Variants in UGT1A6 observed in about 807,000 individuals in gnomAD.
UGT1A6 encodes UDP-glucuronosyltransferase 1A6.
A neutral mutation model predicts 44.4 loss-of-function variants in UGT1A6; 32 were observed. That is an observed-to-expected ratio of 0.72 (90% CI 0.54 to 0.97). The LOEUF (loss-of-function observed/expected upper bound fraction) is 0.97. Ranked by LOEUF, UGT1A6 falls within the 50% of genes least tolerant of loss-of-function variation. The probability of loss-of-function intolerance (pLI) is 0.00; values close to 1 mark genes in which losing one functional copy is unlikely to be tolerated. For missense variants in UGT1A6, 685 were observed against 661.9 expected (o/e 1.03, Z -0.38); for synonymous variants, 238 against 248.5 (o/e 0.96, Z 0.40).
chr2:233,754,850 A>C (rs1172788240), intron 1 of UGT1A6: 1 of 1,345,454 alleles, frequency 7.4e-7, no homozygotes, highest in African/African-American at 1.5e-5. Context: ...AGGCAGAGAA[A>C]AGGGGTGCAG....
At chr2:233,741,088 C>T (rs758751982) in intron 1 of UGT1A6, among the ~76,000 whole-genome samples, 13 of 151,840 alleles carry the variant, frequency 8.6e-5, no homozygotes, top group Non-Finnish European at 1.9e-4. Flanking sequence ...TTAAAACAAA[C>T]AAGCAAACAG....
intron 1 of UGT1A6, among the ~76,000 whole-genome samples, chr2:233,761,810 G>A (rs147752655): frequency 5.2e-4 from 79 of 152,328 alleles, no homozygotes; most frequent in African/African-American, 1.8e-3. Context: ...GAAAAGAACA[G>A]GAGAGGCTCC....
At chr2:233,762,959 A>G (rs910713716) in intron 1 of UGT1A6, among the ~76,000 whole-genome samples, 4 of 152,252 alleles carry the variant, frequency 2.6e-5, no homozygotes, top group African/African-American at 9.6e-5. Flanking sequence ...GCAATAGGAA[A>G]GATGCCCGTC....
Position 233,693,700 on chromosome 2 carries a change from C to A in UGT1A6, c.696C>A (p.Leu232=). 1 of 1,614,174 alleles carries A rather than the reference C, an allele frequency of 6.2e-7. No homozygotes were observed. Among genetic ancestry groups the A allele is most frequent in the Non-Finnish European group, 8.5e-7 (1 of 1,180,034 alleles). The change falls in exon 1 of 5, where the codon CTC becomes CTA. Residue 232 remains leucine, a synonymous_variant. Transcript: ENST00000305139. ...GTCTGTTTTCAAAGTATGAAGAACT[C>A]GCATCAGCTGTCCTCAAGAGAGATG... ...FYCLFSKYEE[L]ASAVLKRDVD...
intron 1 of UGT1A6, among the ~76,000 whole-genome samples, chr2:233,766,795 T>C (rs1485406690): frequency 1.3e-5 from 2 of 152,194 alleles, no homozygotes; most frequent in African/African-American, 4.8e-5. Flanking sequence ...AACTAGCACA[T>C]TACCTGGATT....
In UGT1A6 at chr2:233,725,203, CAGA is replaced by C. The variant is rs1559370309; in HGVS notation, c.861+31339_861+31341del. On this transcript the variant is annotated intron_variant, in intron 1 of 4. Transcript: ENST00000305139. The stretch of plus-strand genomic sequence containing the variant: ...GGAGAGGCAGAGGCAGAGGCAGAGG[CAGA>C]GGCAGAGGCAGAGGAGGCAGAGGCA... Among the ~76,000 whole-genome samples, 4 of 83,028 alleles carry C rather than the reference CAGA, an allele frequency of 4.8e-5. 1 individual carries two copies. The highest frequency in any genetic ancestry group is 4.2e-5 in the Non-Finnish European group (2 of 47,892). 54.5% of individuals were successfully genotyped at this position (83,028 alleles called of 152,430 possible). A position where few individuals can be genotyped will look rare whatever the true frequency, so the allele number is the denominator to read the frequency against.
intron 1 of UGT1A6, among the ~76,000 whole-genome samples, chr2:233,709,550 C>G (rs1305349902): frequency 6.6e-6 from 1 of 151,946 alleles, no homozygotes; most frequent in Non-Finnish European, 1.5e-5. Flanking sequence ...TATGTAAGTA[C>G]TTATAAATTT....
upstream of UGT1A6, among the ~76,000 whole-genome samples, chr2:233,692,624 A>T (rs907640758): frequency 6.6e-6 from 1 of 152,204 alleles, no homozygotes; most frequent in African/African-American, 2.4e-5. Flanking sequence ...TCATGGACAT[A>T]ACAGACAACG....
chr2:233,710,441 T>C (rs568926544), intron 1 of UGT1A6, among the ~76,000 whole-genome samples: 1 of 152,376 alleles, frequency 6.6e-6, no homozygotes, highest in African/African-American at 2.4e-5. Flanking sequence ...TTTTAGTCTT[T>C]TACATTTTAG....
chr2:233,747,371 C>T (rs757857857), intron 1 of UGT1A6: 1 of 1,604,152 alleles, frequency 6.2e-7, no homozygotes, highest in East Asian at 2.2e-5. Flanking sequence ...AGCTCCATGC[C>T]AGAGGCCACC....
chr2:233,772,918 GCAGTTTTAATCTTATCTTTT>G lies in UGT1A6; in HGVS notation c.*360_*379del. 2.7e-6 allele frequency: 1 copy of G among 377,336 alleles called. No homozygotes were observed. The allele number at this position is 377,336 out of a possible 1,614,324, so 23.4% of individuals were successfully genotyped here. A position where few individuals can be genotyped will look rare whatever the true frequency, so the allele number is the denominator to read the frequency against. On this transcript the variant is annotated 3_prime_UTR_variant, in exon 5 of 5. Transcript: ENST00000305139. ...CCCACGGCTGCCCCTACTGCAAATG[GCAGTTTTAATCTTATCTTTT>G]GGCTTCTGCAGATGGTTGCAATTGA...
At chr2:233,749,891 C>G (rs769638729) in intron 1 of UGT1A6, among the ~76,000 whole-genome samples, 2 of 151,948 alleles carry the variant, frequency 1.3e-5, no homozygotes, top group African/African-American at 4.9e-5. Context: ...CTGAGGCTCC[C>G]CCCTCCAGCC....
rs186385577 is a variant in UGT1A6 at position 233,726,826 on chromosome 2, T to C, written c.861+32961T>C. ...TGGAGGTTTTCCTCTATTCGACCAT[T>C]TAAATTTAATTTTTGTTCCTTTTCT... On this transcript the variant is annotated intron_variant, in intron 1 of 4. Transcript: ENST00000305139. 4.6e-3 allele frequency among the ~76,000 whole-genome samples: 697 copies of C among 152,318 alleles called. 10 individuals carry two copies. Among genetic ancestry groups the C allele is most frequent in the Middle Eastern group, 0.031 (9 of 294 alleles).
At position 233,729,418 on chromosome 2, in the gene UGT1A6, C is replaced by G. The variant is rs767075573; in HGVS notation, c.861+35553C>G. 8.1e-6 allele frequency: 13 copies of G among 1,613,638 alleles called. No individual in the cohort carries two copies. In the African/African-American group the frequency reaches 1.5e-4, roughly 18 times the overall value. The stretch of plus-strand genomic sequence containing the variant: ...TGATCGCCATGTGCTGGGCCACACT[C>G]AACTGTACTTTGAAACAGAACATTT... On this transcript the variant is annotated intron_variant, in intron 1 of 4. Coordinates refer to ENST00000305139, the MANE Select transcript of UGT1A6 (RefSeq NM_001072.4).
At chr2:233,765,294 GAC>G (rs1698796099) in intron 1 of UGT1A6, among the ~76,000 whole-genome samples, 1 of 152,132 alleles carries the variant, frequency 6.6e-6, no homozygotes, top group Non-Finnish European at 1.5e-5. Flanking sequence ...CTACTATAAA[GAC>G]ACATGCACAT....
intron 1 of UGT1A6, among the ~76,000 whole-genome samples, chr2:233,720,460 C>T (rs1575532860): frequency 1.3e-5 from 2 of 152,110 alleles, no homozygotes; most frequent in East Asian, 3.9e-4. Flanking sequence ...GAAGCTGGGA[C>T]CAGTGATGAA....
At chr2:233,726,497 T>C (rs1473175630) in intron 1 of UGT1A6, among the ~76,000 whole-genome samples, 2 of 152,348 alleles carry the variant, frequency 1.3e-5, no homozygotes, top group East Asian at 3.9e-4. Flanking sequence ...CTTATTAATT[T>C]TGGAATTTCA....
intron 1 of UGT1A6, chr2:233,713,464 C>G (rs12475068): frequency 0.098 from 158,292 of 1,613,912 alleles, 8,805 homozygotes; most frequent in South Asian, 0.2. Flanking sequence ...CACCTCTGCG[C>G]GGCGGTGCTG....
intron 1 of UGT1A6, 85 bp from the exon 2 acceptor site, chr2:233,766,949 G>A: frequency 6.2e-7 from 1 of 1,600,626 alleles, no homozygotes. Context: ...GTCTTAAGAG[G>A]AAGATATCTA....
Sources: gnomAD v4.1 joint callset for allele counts (sites outside exome capture counted in the v4.1 genomes callset) on GRCh38, gnomAD v4.1.1 for gene constraint, MANE v1.5 for transcripts, NCBI Gene and HGNC (gene_info 2026-07-23, HGNC 2026-07-21) for gene names.